Variants in PAGE2B observed in about 807,000 individuals in gnomAD.
The protein encoded by PAGE2B is putative G antigen family E member 3.
Under a neutral mutation model 7.6 loss-of-function variants are expected in PAGE2B, and 5 were observed. The observed-to-expected ratio is 0.66, with a 90% CI of 0.34 to 1.38. PAGE2B has a LOEUF of 1.38. Among genes scored for constraint, PAGE2B ranks in the 40% most tolerant of loss-of-function variants. The pLI, the probability that PAGE2B is intolerant of heterozygous loss-of-function variation, is 0.04. For missense variants in PAGE2B, 70 were observed against 78.4 expected, an observed-to-expected ratio of 0.89 and a Z score of 0.41; for synonymous variants, 29 against 26.7, an observed-to-expected ratio of 1.09 and a Z score of -0.27.
At chrX:55,036,390 G>A in the PAGE2B span, among the ~76,000 whole-genome samples, 1 of 110,993 alleles carries the variant, frequency 9.0e-6, no homozygotes, top group Non-Finnish European at 1.9e-5. Flanking sequence ...GTTTTCAAAG[G>A]GAATGCTTCC....
At chrX:55,075,900 A>T in intron 1 of PAGE2B, 134 bp from the exon 2 acceptor site, 1 of 650,559 alleles carries the variant, frequency 1.5e-6, no homozygotes, top group Non-Finnish European at 2.3e-6. Flanking sequence ...GTGGGTACTT[A>T]TCAATGCTCT....
At chrX:55,041,424 A>G in the PAGE2B span, among the ~76,000 whole-genome samples, 2 of 111,591 alleles carry the variant, frequency 1.8e-5, no homozygotes, top group South Asian at 7.5e-4. Flanking sequence ...ATACTGGTTT[A>G]TTTTTATAAT....
At chrX:55,053,952 A>T in the PAGE2B span, among the ~76,000 whole-genome samples, 1 of 112,531 alleles carries the variant, frequency 8.9e-6, no homozygotes, top group East Asian at 2.8e-4. Flanking sequence ...GCGGTGGCTC[A>T]TGCCTGTAAT....
the PAGE2B span, among the ~76,000 whole-genome samples, chrX:55,036,471 T>A: frequency 9.0e-6 from 1 of 111,129 alleles, no homozygotes; most frequent in Non-Finnish European, 1.9e-5. Context: ...TTGAGATACA[T>A]CCCATCAATA....
At chrX:55,063,575 T>C in the PAGE2B span, among the ~76,000 whole-genome samples, 2 of 111,398 alleles carry the variant, frequency 1.8e-5, no homozygotes, top group Non-Finnish European at 3.8e-5. Context: ...CTGATTGCTC[T>C]AGGTAGGACT....
At chrX:55,056,800 C>T in the PAGE2B span, among the ~76,000 whole-genome samples, 2 of 110,895 alleles carry the variant, frequency 1.8e-5, no homozygotes, top group African/African-American at 3.3e-5. Flanking sequence ...TCCCTGTCCT[C>T]ATTTATTTCA....
At chrX:55,066,821 A>G in the PAGE2B span, among the ~76,000 whole-genome samples, 1 of 111,316 alleles carries the variant, frequency 9.0e-6, no homozygotes, top group South Asian at 3.8e-4. Context: ...GAATGTTGAT[A>G]TCTTTCTCTA....
chrX:55,031,134 C>T, the PAGE2B span: 1 of 257,272 alleles, frequency 3.9e-6, no homozygotes, highest in Non-Finnish European at 7.5e-6. Flanking sequence ...CTCTAGTGTA[C>T]CCCCTCCCCC....
the PAGE2B span, among the ~76,000 whole-genome samples, chrX:55,043,241 G>A: frequency 8.9e-6 from 1 of 111,953 alleles, no homozygotes; most frequent in African/African-American, 3.2e-5. Flanking sequence ...AATTGTACAA[G>A]ATAACATGAG....
the PAGE2B span, among the ~76,000 whole-genome samples, chrX:55,068,320 G>C: frequency 1.3e-3 from 147 of 111,897 alleles, no homozygotes; most frequent in African/African-American, 4.4e-3. Context: ...GCTTGTTTTT[G>C]TCAGGTTTGC....
At chrX:55,047,263 A>C in the PAGE2B span, among the ~76,000 whole-genome samples, 11 of 111,626 alleles carry the variant, frequency 9.9e-5, no homozygotes, top group South Asian at 3.8e-4. Flanking sequence ...TGAACTCATC[A>C]TTTTTTATGG....
chrX:55,076,533 T>C, intron 2 of PAGE2B, 36 bp from the exon 3 acceptor site: 7 of 1,112,121 alleles, frequency 6.3e-6, no homozygotes, highest in East Asian at 3.1e-5. Context: ...ATTTATATTA[T>C]TGACTTTTTA....
chrX:55,052,066 G>A, the PAGE2B span, among the ~76,000 whole-genome samples: 1 of 112,140 alleles, frequency 8.9e-6, no homozygotes, highest in Non-Finnish European at 1.9e-5. Context: ...GAGTTTACTG[G>A]AGGTCCACTC....
chrX:55,042,592 T>C, the PAGE2B span, among the ~76,000 whole-genome samples: 2 of 86,895 alleles, frequency 2.3e-5, no homozygotes, highest in African/African-American at 9.4e-5. Context: ...AGGCGGAGCT[T>C]GCAGTGAGCC....
chrX:55,057,235 G>T, the PAGE2B span, among the ~76,000 whole-genome samples: 1 of 111,059 alleles, frequency 9.0e-6, no homozygotes, highest in Non-Finnish European at 1.9e-5. Flanking sequence ...CTCATGACCA[G>T]AAGTCTAGAC....
upstream of PAGE2B, among the ~76,000 whole-genome samples, chrX:55,072,053 T>C (rs1195952632): frequency 8.9e-6 from 1 of 112,206 alleles, no homozygotes; most frequent in African/African-American, 3.2e-5. Context: ...AGCCTACTTC[T>C]GTCAGTTTGT....
At chrX:55,072,115 C>A (rs1437556131), upstream of PAGE2B, among the ~76,000 whole-genome samples, 1 of 111,754 alleles carries the variant, frequency 8.9e-6, no homozygotes, top group African/African-American at 3.3e-5. Context: ...GAGTTGCAAT[C>A]ATTTGGAGGA....
At chrX:55,049,574 A>G in the PAGE2B span, among the ~76,000 whole-genome samples, 6 of 111,221 alleles carry the variant, frequency 5.4e-5, no homozygotes, top group African/African-American at 1.6e-4. Context: ...TTTCTTCTAG[A>G]TTTTCTAGTT....
At chrX:55,042,591 T>C in the PAGE2B span, among the ~76,000 whole-genome samples, 1 of 84,701 alleles carries the variant, frequency 1.2e-5, no homozygotes, top group Non-Finnish European at 2.1e-5. Context: ...GAGGCGGAGC[T>C]TGCAGTGAGC....
Sources: allele counts gnomAD v4.1 joint callset (sites outside exome capture counted in the v4.1 genomes callset), GRCh38; gene constraint gnomAD v4.1.1; transcripts MANE v1.5; gene names NCBI Gene and HGNC (gene_info 2026-07-23, HGNC 2026-07-21).